Variants in AP2B1 observed in about 807,000 individuals in gnomAD.
The protein encoded by AP2B1 is adaptor related protein complex 2 subunit beta 1, also known as AP-2 complex subunit beta.
A neutral mutation model predicts 102.0 loss-of-function variants in AP2B1; 23 were observed. The observed-to-expected ratio is 0.23, with a 90% CI of 0.16 to 0.32. The LOEUF is 0.32. Among genes scored for constraint, AP2B1 ranks in the 10% least tolerant of loss-of-function variants. The probability of loss-of-function intolerance (pLI) is 1.00; values close to 1 mark genes in which losing one functional copy is unlikely to be tolerated. For missense variants in AP2B1, 541 were observed against 1,157.4 expected (o/e 0.47, Z 7.73); for synonymous variants, 381 against 421.2 (o/e 0.90, Z 1.17).
At chr17:35,674,421 G>T (rs1567958685) in intron 17 of AP2B1, 100 bp downstream of exon 17, 1 of 1,423,850 alleles carries the variant, frequency 7.0e-7, no homozygotes, top group Non-Finnish European at 9.7e-7. Flanking sequence ...CTCACATATT[G>T]GGCCAGGTAC....
chr17:35,674,859 T>A (rs1327557786), intron 17 of AP2B1, among the ~76,000 whole-genome samples: 2 of 152,206 alleles, frequency 1.3e-5, no homozygotes. Context: ...AGAACTTATT[T>A]ACTATCTTGG....
intron 5 of AP2B1, among the ~76,000 whole-genome samples, chr17:35,619,086 A>T (rs2074101285): frequency 6.6e-6 from 1 of 152,178 alleles, no homozygotes; most frequent in African/African-American, 2.4e-5. Context: ...TAGTACTCAG[A>T]CACTGGAATC....
At chr17:35,591,630 CCTT>C (rs1448564535) in intron 1 of AP2B1, among the ~76,000 whole-genome samples, 10 of 152,112 alleles carry the variant, frequency 6.6e-5, no homozygotes, top group African/African-American at 2.4e-4. Context: ...GAGCTATAGT[CCTT>C]CTTTGAGGCT....
intron 20 of AP2B1, among the ~76,000 whole-genome samples, chr17:35,711,109 G>A (rs1266502471): frequency 6.6e-6 from 1 of 152,132 alleles, no homozygotes; most frequent in Non-Finnish European, 1.5e-5. Context: ...TTTCTCTGAA[G>A]GATTTCTCAG....
intron 10 of AP2B1, among the ~76,000 whole-genome samples, chr17:35,636,984 T>C (rs1339966676): frequency 6.6e-6 from 1 of 152,240 alleles, no homozygotes; most frequent in Non-Finnish European, 1.5e-5. Flanking sequence ...TTCTGAAGTA[T>C]TGTAGTTATT....
At chr17:35,684,194 A>G (rs1395170789) in intron 18 of AP2B1, among the ~76,000 whole-genome samples, 3 of 152,168 alleles carry the variant, frequency 2.0e-5, no homozygotes, top group Non-Finnish European at 4.4e-5. Context: ...AACAGGAGAG[A>G]GAGAGAAAGA....
At chr17:35,723,506 C>G in intron 21 of AP2B1, 119 bp from the exon 22 acceptor site, 1 of 668,804 alleles carries the variant, frequency 1.5e-6, no homozygotes, top group South Asian at 1.7e-5. Flanking sequence ...TTTAGCTACT[C>G]CAGTGATAGA....
chr17:35,605,525 T>C (rs1046706623), intron 3 of AP2B1, among the ~76,000 whole-genome samples, 180 bp from the exon 4 acceptor site: 10 of 152,170 alleles, frequency 6.6e-5, no homozygotes, highest in Non-Finnish European at 8.8e-5. Flanking sequence ...GCTGGGATTA[T>C]AGGCGTGAGC....
At position 35,709,214 on chromosome 17, in the gene AP2B1, T is replaced by C. The variant is rs985309462; in HGVS notation, c.2455-10T>C. 2 of 1,613,974 alleles carry C rather than the reference T, an allele frequency of 1.2e-6. No homozygotes were observed. The highest frequency in any genetic ancestry group is 8.5e-7 in the Non-Finnish European group (1 of 1,179,838). On this transcript the variant is annotated splice_polypyrimidine_tract_variant and intron_variant, in intron 18 of 21. Transcript: ENST00000610402. ...GATGTCCTCATTTGACCTTGTTGCT[T>C]TCCTGGCAGGTGGCTGTGAAAAACA... is the stretch of plus-strand genomic sequence containing the variant.
intron 14 of AP2B1, among the ~76,000 whole-genome samples, chr17:35,660,987 G>A (rs192927159): frequency 5.9e-5 from 9 of 152,294 alleles, no homozygotes; most frequent in Non-Finnish European, 1.2e-4. Context: ...GAATTGTGTG[G>A]TGGTTTGGGA....
At chr17:35,689,021 G>T (rs968178888) in intron 18 of AP2B1, among the ~76,000 whole-genome samples, 1 of 152,150 alleles carries the variant, frequency 6.6e-6, no homozygotes, top group African/African-American at 2.4e-5. Context: ...CATTGCAGAA[G>T]TAAACAGAAT....
At chr17:35,672,422 G>A (rs2075608305) in intron 16 of AP2B1, among the ~76,000 whole-genome samples, 1 of 152,176 alleles carries the variant, frequency 6.6e-6, no homozygotes, top group South Asian at 2.1e-4. Context: ...TGAAGTTCAA[G>A]AGGGGAAACT....
chr17:35,656,727 CA>C (rs200745433), intron 13 of AP2B1, among the ~76,000 whole-genome samples: 2,064 of 151,700 alleles, frequency 0.014, 40 homozygotes, highest in African/African-American at 0.047. Context: ...ACTAAAAATA[CA>C]AAAAAAATTA....
rs138071424 is a variant in AP2B1 at position 35,666,208 on chromosome 17, A to G, written c.1990-4649A>G. Among the ~76,000 whole-genome samples, 105 of 152,280 alleles carry G rather than the reference A, an allele frequency of 6.9e-4. No homozygotes were observed. In the East Asian group the frequency reaches 0.018, roughly 25 times the overall value. On this transcript the variant is annotated intron_variant, in intron 14 of 21. Coordinates refer to ENST00000610402, the MANE Select transcript of AP2B1 (RefSeq NM_001030006.2). ...AACCATGCCGAAATCCCTTTAGCCC[A>G]TAAGTTACAATAAGTCACCATAAAA...
intron 9 of AP2B1, among the ~76,000 whole-genome samples, chr17:35,635,103 G>A (rs1266326974): frequency 1.3e-5 from 2 of 152,176 alleles, no homozygotes; most frequent in African/African-American, 4.8e-5. Flanking sequence ...CCAGGCTGTA[G>A]TGCAGTGGCA....
chr17:35,653,580 TCTC>T (rs1273627113), intron 13 of AP2B1, among the ~76,000 whole-genome samples: 2 of 152,188 alleles, frequency 1.3e-5, no homozygotes, highest in African/African-American at 4.8e-5. Flanking sequence ...TTCAAGAGGT[TCTC>T]CTGCTACAGT....
chr17:35,600,955 G>C (rs1028117448), intron 3 of AP2B1: 52 of 979,888 alleles, frequency 5.3e-5, no homozygotes, highest in Middle Eastern at 5.3e-4. Context: ...CTTCTGAGGT[G>C]AATTTTTGTT....
intron 21 of AP2B1, among the ~76,000 whole-genome samples, chr17:35,719,235 T>C (rs1401605099): frequency 6.6e-6 from 1 of 152,178 alleles, no homozygotes; most frequent in Non-Finnish European, 1.5e-5. Flanking sequence ...TATTCTAATT[T>C]CACCAGTTTT....
At chr17:35,587,980 C>G (rs1451106301) in intron 1 of AP2B1, 1 of 152,052 alleles carries the variant, frequency 6.6e-6, no homozygotes, top group African/African-American at 2.4e-5. Context: ...GCATTCCTTA[C>G]TCTTGGAGGA....
Sources: gnomAD v4.1 joint callset for allele counts (sites outside exome capture counted in the v4.1 genomes callset) on GRCh38, gnomAD v4.1.1 for gene constraint, MANE v1.5 for transcripts, NCBI Gene and HGNC (gene_info 2026-07-23, HGNC 2026-07-21) for gene names.